Variants in PCDH15 observed in about 807,000 individuals in gnomAD.
The protein encoded by PCDH15 is protocadherin-15.
In PCDH15, 129 loss-of-function variants were observed where a neutral mutation model predicts 178.5. That is an observed-to-expected ratio of 0.72 (90% confidence interval 0.63 to 0.84). The LOEUF is 0.84. Ranked by LOEUF, PCDH15 falls within the 40% of genes least tolerant of loss-of-function variation. The pLI is 0.00. For synonymous variants in PCDH15, 800 were observed against 732.0 expected, an observed-to-expected ratio of 1.09 and a Z score of -1.50; for missense variants, 2,230 against 2,099.9, an observed-to-expected ratio of 1.06 and a Z score of -1.21.
intron 1 of PCDH15, among the ~76,000 whole-genome samples, chr10:54,766,243 AGAG>A (rs1948495633): frequency 6.6e-6 from 1 of 152,178 alleles, no homozygotes; most frequent in African/African-American, 2.4e-5. Context: ...AAACAACAGC[AGAG>A]GAGAAATGAT....
intron 8 of PCDH15, among the ~76,000 whole-genome samples, chr10:54,293,584 T>C (rs1024593372): frequency 2.0e-5 from 3 of 152,254 alleles, no homozygotes; most frequent in African/African-American, 7.2e-5. Flanking sequence ...AAAGGGCTAA[T>C]ATCCAGAATC....
At chr10:54,653,054 T>G (rs2094297313) in intron 2 of PCDH15, among the ~76,000 whole-genome samples, 1 of 152,198 alleles carries the variant, frequency 6.6e-6, no homozygotes, top group Admixed American at 6.5e-5. Flanking sequence ...TATTGTATGC[T>G]TTGCCTTATT....
intron 12 of PCDH15, among the ~76,000 whole-genome samples, chr10:54,183,798 A>G (rs1341516929): frequency 6.6e-6 from 1 of 152,214 alleles, no homozygotes; most frequent in African/African-American, 2.4e-5. Flanking sequence ...CAAGTATTGA[A>G]GATTTTGTTT....
intron 3 of PCDH15, among the ~76,000 whole-genome samples, chr10:54,524,185 A>T (rs910550939): frequency 5.9e-5 from 9 of 152,278 alleles, no homozygotes; most frequent in African/African-American, 1.9e-4. Flanking sequence ...GTTGCTTTCA[A>T]ATTATGGAGA....
At position 53,868,973 on chromosome 10, in the gene PCDH15, G is replaced by A. The variant is rs376982059; in HGVS notation, c.3502-2116C>T. ...GCTGGGACTATAGGCACTCCACTAC[G>A]CCTGGCTAATTCTTTGTAGACACAG... On this transcript the variant is annotated intron_variant, in intron 26 of 37. Coordinates refer to ENST00000644397, the MANE Select transcript of PCDH15 (RefSeq NM_001384140.1). Among the ~76,000 whole-genome samples, 39 of 152,092 alleles carry A rather than the reference G, an allele frequency of 2.6e-4. No homozygotes were observed. The East Asian group carries it at 2.7e-3, about 11-fold the overall frequency.
intron 3 of PCDH15, among the ~76,000 whole-genome samples, chr10:54,459,333 T>C (rs2077027582): frequency 6.6e-6 from 1 of 152,002 alleles, no homozygotes; most frequent in Non-Finnish European, 1.5e-5. Flanking sequence ...TATTTAATAT[T>C]ATAAATATTT....
intron 3 of PCDH15, among the ~76,000 whole-genome samples, chr10:54,421,773 T>G (rs1429691351): frequency 2.9e-5 from 4 of 137,952 alleles, no homozygotes; most frequent in African/African-American, 1.1e-4. Context: ...CTATATAGGT[T>G]TGTGTTAGGG....
intron 2 of PCDH15, among the ~76,000 whole-genome samples, chr10:54,592,107 A>G (rs2091924787): frequency 6.6e-6 from 1 of 152,212 alleles, no homozygotes; most frequent in African/African-American, 2.4e-5. Context: ...TAGAGCATAC[A>G]AAACCATGCA....
intron 2 of PCDH15, among the ~76,000 whole-genome samples, chr10:55,489,195 A>C (rs1329049620): frequency 6.6e-6 from 1 of 151,582 alleles, no homozygotes; most frequent in Non-Finnish European, 1.5e-5. Flanking sequence ...AAATTTAGTT[A>C]TAAGATTAAA....
At chr10:54,322,195 G>A (rs769191959) in intron 7 of PCDH15, among the ~76,000 whole-genome samples, 1 of 151,764 alleles carries the variant, frequency 6.6e-6, no homozygotes, top group African/African-American at 2.4e-5. Context: ...ATTCTAAATT[G>A]TGAGTGGTAA....
At chr10:54,204,004 C>G (rs1249680940) in intron 10 of PCDH15, among the ~76,000 whole-genome samples, 2 of 152,146 alleles carry the variant, frequency 1.3e-5, no homozygotes, top group Non-Finnish European at 2.9e-5. Flanking sequence ...TTAAAAATCA[C>G]TTTAGACAGT....
chr10:53,808,861 C>T (rs1364110952), intron 37 of PCDH15: 1 of 1,607,386 alleles, frequency 6.2e-7, no homozygotes, highest in Non-Finnish European at 8.5e-7. Flanking sequence ...TTCCACACCT[C>T]CTTCCACCGA....
At chr10:54,190,129 G>A (rs1314144016) in intron 11 of PCDH15, among the ~76,000 whole-genome samples, 1 of 151,870 alleles carries the variant, frequency 6.6e-6, no homozygotes, top group African/African-American at 2.4e-5. Context: ...CTTAAAATGT[G>A]GCTTCACTTT....
intron 28 of PCDH15, among the ~76,000 whole-genome samples, chr10:53,841,436 A>G (rs2077639233): frequency 6.6e-6 from 1 of 152,138 alleles, no homozygotes; most frequent in African/African-American, 2.4e-5. Context: ...ATCAGAAAAT[A>G]ACTTTTGCTT....
intron 23 of PCDH15, among the ~76,000 whole-genome samples, chr10:53,947,817 C>G (rs1323373441): frequency 6.6e-6 from 1 of 152,074 alleles, no homozygotes; most frequent in Non-Finnish European, 1.5e-5. Flanking sequence ...CTATTCAGTT[C>G]CTTAAAGAAT....
chr10:54,345,448 T>C (rs891404058), intron 6 of PCDH15, among the ~76,000 whole-genome samples: 19 of 152,042 alleles, frequency 1.2e-4, no homozygotes, highest in Admixed American at 1.2e-3. Context: ...AGTAGTGCAT[T>C]TATAATTGCT....
chr10:54,942,526 T>A (rs1319320551), intron 2 of PCDH15, among the ~76,000 whole-genome samples: 1 of 152,096 alleles, frequency 6.6e-6, no homozygotes, highest in Non-Finnish European at 1.5e-5. Flanking sequence ...ATTCTTTATG[T>A]AATGTAATGC....
intron 2 of PCDH15, among the ~76,000 whole-genome samples, chr10:54,944,979 G>C (rs1838158143): frequency 6.6e-6 from 1 of 151,696 alleles, no homozygotes; most frequent in Admixed American, 6.6e-5. Flanking sequence ...AAATAGATAA[G>C]ATCAGTCATG....
At chr10:54,197,428 A>G (rs2049790322) in intron 10 of PCDH15, among the ~76,000 whole-genome samples, 1 of 152,180 alleles carries the variant, frequency 6.6e-6, no homozygotes, top group Non-Finnish European at 1.5e-5. Flanking sequence ...GAAAACATGG[A>G]TATAATTTAA....
Sources: allele counts gnomAD v4.1 joint callset (sites outside exome capture counted in the v4.1 genomes callset), GRCh38; gene constraint gnomAD v4.1.1; transcripts MANE v1.5; gene names NCBI Gene and HGNC (gene_info 2026-07-23, HGNC 2026-07-21).